The following DPYSL5 variants were observed in gnomAD, a reference collection of about 807,000 sequenced individuals.
The protein encoded by DPYSL5 is dihydropyrimidinase-related protein 5.
A neutral mutation model predicts 58.4 loss-of-function variants in DPYSL5; 9 were observed. The observed-to-expected ratio is 0.15, with a 90% CI of 0.09 to 0.27. The LOEUF (loss-of-function observed/expected upper bound fraction) is 0.27. Ranked by LOEUF, DPYSL5 falls within the 10% of genes least tolerant of loss-of-function variation. DPYSL5 has a pLI of 1.00. For synonymous variants in DPYSL5, 293 were observed against 301.9 expected (o/e 0.97, Z 0.31); for missense variants, 499 against 770.6 (o/e 0.65, Z 4.17).
At chr2:26,866,673 A>G (rs933937977) in intron 1 of DPYSL5, among the ~76,000 whole-genome samples, 4 of 151,968 alleles carry the variant, frequency 2.6e-5, no homozygotes, top group African/African-American at 7.3e-5. Flanking sequence ...CCCCCCAAAT[A>G]TGTACAACTA....
chr2:26,895,753 A>G (rs1420021297), intron 1 of DPYSL5, among the ~76,000 whole-genome samples: 3 of 131,748 alleles, frequency 2.3e-5, no homozygotes, highest in Admixed American at 7.8e-5. Flanking sequence ...GATAACCACC[A>G]TTCTGTTCTC....
intron 8 of DPYSL5, 95 bp from the exon 9 acceptor site, chr2:26,939,936 G>T: frequency 6.5e-7 from 1 of 1,542,172 alleles, no homozygotes; most frequent in South Asian, 1.2e-5. Context: ...GGCTTTGCCT[G>T]CTTCCCACAC....
At chr2:26,895,797 T>TTG in intron 1 of DPYSL5, among the ~76,000 whole-genome samples, 1 of 147,796 alleles carries the variant, frequency 6.8e-6, no homozygotes, top group African/African-American at 2.5e-5. Context: ...TTTTTTTTTT[T>TTG]TGAGATGGCG....
At chr2:26,850,422 G>C (rs1665722803) in intron 1 of DPYSL5, among the ~76,000 whole-genome samples, 1 of 152,174 alleles carries the variant, frequency 6.6e-6, no homozygotes, top group Non-Finnish European at 1.5e-5. Context: ...GCAGCGCCTT[G>C]ACATGTGAAG....
rs1043671662 is a variant in DPYSL5 at position 26,925,715 on chromosome 2, C to T, written c.420+670C>T. On this transcript the variant is annotated intron_variant, in intron 3 of 12. Transcript: ENST00000288699. The surrounding 1 kb of genome is among the most constrained non-coding windows in gnomAD (Gnocchi z 4.5). The stretch of plus-strand genomic sequence containing the variant: ...GGGTCAGAGTCCAGACTCCTCTCCC[C>T]GGATTCCCACTTCCTTGCTCTTCCT... Among the ~76,000 whole-genome samples the T allele has an allele frequency of 1.3e-5, 2 of 152,182 alleles. No homozygotes were observed. Among genetic ancestry groups the T allele is most frequent in the Admixed American group, 6.5e-5 (1 of 15,274 alleles).
At position 26,947,196 on chromosome 2, in the gene DPYSL5, T is replaced by G; in HGVS notation, c.*201T>G. The stretch of plus-strand genomic sequence containing the variant: ...CTCTAACAGGCACTTTGAGATGTGT[T>G]CCTCCTGCTGTAGTCCTTTCTGCCT... On this transcript the variant is annotated 3_prime_UTR_variant, in exon 13 of 13. Transcript: ENST00000288699. This position sits in a 1 kb window ranked among gnomAD's most constrained non-coding sequence, Gnocchi z 4.2. The G allele has an allele frequency of 5.4e-6, 3 of 558,626 alleles. No homozygotes were observed. The highest frequency in any genetic ancestry group is 9.7e-6 in the Non-Finnish European group (3 of 309,214). The allele number at this position is 558,626 out of a possible 1,614,324, so 34.6% of individuals were successfully genotyped here. A position where few individuals can be genotyped will look rare whatever the true frequency, so the allele number is the denominator to read the frequency against.
chr2:26,875,394 T>C (rs1663386097), intron 1 of DPYSL5, among the ~76,000 whole-genome samples: 1 of 152,116 alleles, frequency 6.6e-6, no homozygotes, highest in African/African-American at 2.4e-5. Flanking sequence ...GCAGCTGGTG[T>C]CAGAAGAGTG....
At chr2:26,932,185 A>C (rs12476466) in intron 6 of DPYSL5, among the ~76,000 whole-genome samples, 6,200 of 70,008 alleles carry the variant, frequency 0.089, 233 homozygotes, top group South Asian at 0.12. Flanking sequence ...GAAAGAAAGA[A>C]AGAAAGAAAG....
intron 8 of DPYSL5, among the ~76,000 whole-genome samples, chr2:26,935,468 A>G (rs1266493478): frequency 6.6e-6 from 1 of 152,102 alleles, no homozygotes; most frequent in African/African-American, 2.4e-5. Flanking sequence ...TGGGTGGATC[A>G]CTTGAGATCA....
At chr2:26,922,884 G>C (rs1046261328) in intron 2 of DPYSL5, among the ~76,000 whole-genome samples, 3 of 152,168 alleles carry the variant, frequency 2.0e-5, no homozygotes, top group Admixed American at 6.5e-5. Flanking sequence ...AGGTGCCACA[G>C]AACTACCACC....
At position 26,849,353 on chromosome 2, in the gene DPYSL5, G is replaced by A. The variant is rs901924948; in HGVS notation, c.-5+1099G>A. ...GAAGGGGAGCCTCCCGAGGAGGGAG[G>A]GGCAAGCAGCTGAGAGGCGGTCTCG... On this transcript the variant is annotated intron_variant, in intron 1 of 12. Transcript: ENST00000288699. This position sits in a 1 kb window ranked among gnomAD's most constrained non-coding sequence, Gnocchi z 6.2. Among the ~76,000 whole-genome samples the A allele has an allele frequency of 3.9e-5, 6 of 151,966 alleles. No homozygotes were observed. The highest frequency in any genetic ancestry group is 1.2e-4 in the African/African-American group (5 of 41,410).
intron 1 of DPYSL5, among the ~76,000 whole-genome samples, chr2:26,881,263 T>A (rs486582): frequency 6.6e-6 from 1 of 151,916 alleles, no homozygotes; most frequent in Non-Finnish European, 1.5e-5. Flanking sequence ...GAAATCCAGA[T>A]GCGATCAGCC....
At chr2:26,902,921 C>T (rs1343877009) in intron 2 of DPYSL5, among the ~76,000 whole-genome samples, 7 of 152,116 alleles carry the variant, frequency 4.6e-5, no homozygotes, top group Admixed American at 4.6e-4. Flanking sequence ...ATCAGGAAGT[C>T]ACCCTAGATG....
At chr2:26,900,122 C>T (rs1664119503) in intron 2 of DPYSL5, among the ~76,000 whole-genome samples, 1 of 152,084 alleles carries the variant, frequency 6.6e-6, no homozygotes. Context: ...CAGAATTACC[C>T]CATTGAATAC....
chr2:26,875,131 C>T (rs1663376722), intron 1 of DPYSL5, among the ~76,000 whole-genome samples: 1 of 152,174 alleles, frequency 6.6e-6, no homozygotes, highest in African/African-American at 2.4e-5. Flanking sequence ...TCCTCCAGTT[C>T]TCAGAAAAGC....
intron 1 of DPYSL5, among the ~76,000 whole-genome samples, chr2:26,879,964 C>A (rs1663514581): frequency 6.6e-6 from 1 of 152,088 alleles, no homozygotes; most frequent in South Asian, 2.1e-4. Flanking sequence ...GATCATGGCT[C>A]ACTGCAGCCT....
In DPYSL5 at chr2:26,934,537, C is replaced by T. The variant is rs369296857; in HGVS notation, c.791-41C>T. On this transcript the variant is annotated intron_variant, in intron 7 of 12. Coordinates refer to ENST00000288699, the MANE Select transcript of DPYSL5 (RefSeq NM_020134.4). The surrounding 1 kb of genome is among the most constrained non-coding windows in gnomAD (Gnocchi z 4.3). ...GCACACACCAGCGATCGCTCAGGTT[C>T]GGTGGCTTCCTGGTTATGGTTCTGA... is the stretch of plus-strand genomic sequence containing the variant. 57 of 1,595,174 alleles carry T rather than the reference C, an allele frequency of 3.6e-5. No homozygotes were observed. Among genetic ancestry groups the T allele is most frequent in the Admixed American group, 5.0e-5 (3 of 59,436 alleles).
In DPYSL5 at chr2:26,895,775, C is replaced by CTTTTT. The variant is rs869030530; in HGVS notation, c.-4-2702_-4-2698dup. On this transcript the variant is annotated intron_variant, in intron 1 of 12. Coordinates refer to ENST00000288699, the MANE Select transcript of DPYSL5 (RefSeq NM_020134.4). ...ACCATTCTGTTCTCTATTTCTTTTTCTTTTTTTTTTTTTTTTTTTTTTTGA... is the reference window on the plus strand; with the variant it reads ...ACCATTCTGTTCTCTATTTCTTTTTCTTTTTTTTTTTTTTTTTTTTTTTTTTTTGA... Among the ~76,000 whole-genome samples the CTTTTT allele has an allele frequency of 2.6e-3, 262 of 101,082 alleles. 1 individual carries two copies. Among genetic ancestry groups the CTTTTT allele is most frequent in the Non-Finnish European group, 3.4e-3 (175 of 50,918 alleles). 66.3% of individuals were successfully genotyped at this position (101,082 alleles called of 152,430 possible). A position where few individuals can be genotyped will look rare whatever the true frequency, so the allele number is the denominator to read the frequency against.
At chr2:26,937,758 G>GTTTGTTT (rs1665218169) in intron 8 of DPYSL5, among the ~76,000 whole-genome samples, 4 of 151,696 alleles carry the variant, frequency 2.6e-5, no homozygotes, top group Admixed American at 2.6e-4. Flanking sequence ...TTGTTTGTTT[G>GTTTGTTT]TTTGTTTGTT....
Sources: allele counts gnomAD v4.1 joint callset (sites outside exome capture counted in the v4.1 genomes callset), GRCh38; gene constraint gnomAD v4.1.1; non-coding constraint Gnocchi (gnomAD v3.1); transcripts MANE v1.5; gene names NCBI Gene and HGNC (gene_info 2026-07-23, HGNC 2026-07-21).